MACROD2: variants seen among roughly 807,000 people sequenced by gnomAD.
The protein encoded by MACROD2 is ADP-ribose glycohydrolase MACROD2.
MACROD2 carries 36 observed loss-of-function variants against 70.4 expected under a neutral mutation model. That is an observed-to-expected ratio of 0.51 (90% confidence interval 0.39 to 0.68). MACROD2 has a LOEUF of 0.68. Among genes scored for constraint, MACROD2 ranks in the 30% least tolerant of loss-of-function variants. MACROD2 has a pLI of 0.00. For synonymous variants in MACROD2, 172 were observed against 178.8 expected (o/e 0.96, Z 0.30); for missense variants, 496 against 538.4 (o/e 0.92, Z 0.78).
At chr20:14,771,365 C>T (rs1412815542) in intron 5 of MACROD2, among the ~76,000 whole-genome samples, 1 of 151,854 alleles carries the variant, frequency 6.6e-6, no homozygotes, top group Non-Finnish European at 1.5e-5. Context: ...TGAAAATGCT[C>T]ATTTAAAATG....
chr20:14,820,609 C>T (rs1435871144), intron 5 of MACROD2, among the ~76,000 whole-genome samples: 3 of 151,892 alleles, frequency 2.0e-5, no homozygotes, highest in Admixed American at 2.0e-4. Context: ...TAATATGAAT[C>T]CAGGTATAGT....
chr20:15,644,918 G>A (rs2049517924), intron 8 of MACROD2, among the ~76,000 whole-genome samples: 1 of 152,132 alleles, frequency 6.6e-6, no homozygotes, highest in Admixed American at 6.5e-5. Context: ...TCGAACCCCT[G>A]ACCTAGGTGA....
intron 5 of MACROD2, among the ~76,000 whole-genome samples, chr20:14,920,639 A>C (rs2074151504): frequency 6.6e-6 from 1 of 152,282 alleles, no homozygotes; most frequent in Non-Finnish European, 1.5e-5. Context: ...GTACAGGTGA[A>C]GAGTTACCTT....
At chr20:14,511,653 C>T (rs435939) in intron 4 of MACROD2, among the ~76,000 whole-genome samples, 27,492 of 141,862 alleles carry the variant, frequency 0.19, 2,774 homozygotes, top group South Asian at 0.4. Context: ...AATATTTAAA[C>T]GCTATGTCTG....
intron 3 of MACROD2, among the ~76,000 whole-genome samples, chr20:14,284,562 G>A (rs2082329688): frequency 6.6e-6 from 1 of 152,178 alleles, no homozygotes; most frequent in African/African-American, 2.4e-5. Flanking sequence ...AATTTGTATT[G>A]GTAACTAAAC....
chr20:14,526,982 G>T (rs2085241314), intron 4 of MACROD2, among the ~76,000 whole-genome samples: 2 of 152,242 alleles, frequency 1.3e-5, no homozygotes, highest in South Asian at 4.1e-4. Flanking sequence ...CGGATCATAT[G>T]TGGACTTGGA....
At chr20:14,413,803 CT>C (rs1018837658) in intron 3 of MACROD2, among the ~76,000 whole-genome samples, 9 of 150,570 alleles carry the variant, frequency 6.0e-5, no homozygotes, top group South Asian at 2.1e-4. Context: ...TTTTTTCCTG[CT>C]TTTTTTTTCC....
chr20:15,549,657 TC>T (rs935856866), intron 8 of MACROD2, among the ~76,000 whole-genome samples: 22 of 152,154 alleles, frequency 1.4e-4, no homozygotes, highest in Non-Finnish European at 5.9e-5. Flanking sequence ...GTCACAATTC[TC>T]CAGATGGTCC....
At chr20:14,962,481 T>G (rs1358790377) in intron 5 of MACROD2, among the ~76,000 whole-genome samples, 1 of 149,884 alleles carries the variant, frequency 6.7e-6, no homozygotes, top group East Asian at 1.9e-4. Context: ...TATATAGTTA[T>G]GTTTGTTTTG....
intron 8 of MACROD2, among the ~76,000 whole-genome samples, chr20:15,826,509 T>C (rs2063998637): frequency 6.6e-6 from 1 of 152,232 alleles, no homozygotes; most frequent in South Asian, 2.1e-4. Context: ...AACTCAAAGC[T>C]TTTTTTAAGC....
chr20:14,686,259 A>G (rs561908533), intron 5 of MACROD2, among the ~76,000 whole-genome samples: 20 of 152,320 alleles, frequency 1.3e-4, no homozygotes, highest in Admixed American at 3.9e-4. Context: ...ATTTGCATAT[A>G]CAAAATGAAG....
chr20:15,254,317 G>C (rs937078212), intron 6 of MACROD2, among the ~76,000 whole-genome samples: 1 of 152,032 alleles, frequency 6.6e-6, no homozygotes, highest in Non-Finnish European at 1.5e-5. Context: ...AAATCAAAGC[G>C]TATCAGCCAG....
chr20:14,677,111 T>C (rs1351061184), intron 4 of MACROD2, among the ~76,000 whole-genome samples: 2 of 152,160 alleles, frequency 1.3e-5, no homozygotes, highest in Non-Finnish European at 2.9e-5. Flanking sequence ...CAGGATCAAC[T>C]TGTTCATTTG....
At chr20:14,147,116 A>G (rs2054952933) in intron 3 of MACROD2, among the ~76,000 whole-genome samples, 1 of 152,186 alleles carries the variant, frequency 6.6e-6, no homozygotes, top group South Asian at 2.1e-4. Flanking sequence ...GTACTGGGTA[A>G]TGAGGTAGGT....
chr20:14,573,577 TA>T (rs993514388), intron 4 of MACROD2, among the ~76,000 whole-genome samples: 5 of 103,534 alleles, frequency 4.8e-5, no homozygotes, highest in African/African-American at 1.4e-4. Flanking sequence ...GAAAAGATAT[TA>T]TTTTTTTTTT....
intron 5 of MACROD2, among the ~76,000 whole-genome samples, chr20:14,777,498 G>C (rs2072248705): frequency 6.6e-6 from 1 of 151,908 alleles, no homozygotes; most frequent in Non-Finnish European, 1.5e-5. Context: ...ATATATTTTG[G>C]TGGCAGTCCT....
At chr20:15,923,005 G>C (rs1168058681) in intron 10 of MACROD2, among the ~76,000 whole-genome samples, 1 of 152,162 alleles carries the variant, frequency 6.6e-6, no homozygotes, top group Non-Finnish European at 1.5e-5. Flanking sequence ...AGCCATGAGG[G>C]ATTATTCAAC....
At chr20:14,521,868 C>T (rs921255970) in intron 4 of MACROD2, among the ~76,000 whole-genome samples, 3 of 152,132 alleles carry the variant, frequency 2.0e-5, no homozygotes, top group Non-Finnish European at 4.4e-5. Flanking sequence ...ATTGAAATGA[C>T]TAATATCTTT....
intron 6 of MACROD2, among the ~76,000 whole-genome samples, chr20:15,288,493 A>G (rs1026261270): frequency 3.3e-5 from 5 of 152,176 alleles, no homozygotes; most frequent in Non-Finnish European, 5.9e-5. Flanking sequence ...CTGGCATTTG[A>G]ATCAGTAGAT....
Sources: gnomAD v4.1 joint callset for allele counts (sites outside exome capture counted in the v4.1 genomes callset) on GRCh38, gnomAD v4.1.1 for gene constraint, MANE v1.5 for transcripts, NCBI Gene and HGNC (gene_info 2026-07-23, HGNC 2026-07-21) for gene names.